SYNJ1: variants seen among roughly 807,000 people sequenced by gnomAD.
SYNJ1 encodes the protein synaptojanin 1.
SYNJ1 carries 78 observed loss-of-function variants against 168.2 expected under a neutral mutation model. The observed-to-expected ratio is 0.46, with a 90% CI of 0.39 to 0.56. The LOEUF is 0.56. Among genes scored for constraint, SYNJ1 ranks in the 20% least tolerant of loss-of-function variants. SYNJ1 has a pLI of 0.00. For synonymous variants in SYNJ1, 539 were observed against 548.6 expected, an observed-to-expected ratio of 0.98 and a Z score of 0.24; for missense variants, 1,303 against 1,597.6, an observed-to-expected ratio of 0.82 and a Z score of 3.14.
chr21:32,711,882 A>G (rs989111216), intron 2 of SYNJ1, among the ~76,000 whole-genome samples: 10 of 152,244 alleles, frequency 6.6e-5, no homozygotes, highest in African/African-American at 2.4e-4. Flanking sequence ...ACATCTGAAC[A>G]GAAAAGAAAC....
At chr21:32,697,714 T>C (rs1247455207) in intron 4 of SYNJ1, among the ~76,000 whole-genome samples, 1 of 152,212 alleles carries the variant, frequency 6.6e-6, no homozygotes, top group Non-Finnish European at 1.5e-5. Context: ...GGCAGGAGAA[T>C]TGCTTGAACC....
At chr21:32,721,761 T>C (rs1032985727) in intron 2 of SYNJ1, among the ~76,000 whole-genome samples, 1 of 152,186 alleles carries the variant, frequency 6.6e-6, no homozygotes, top group Admixed American at 6.5e-5. Flanking sequence ...ACATTTCAAA[T>C]TGGCATTTCA....
intron 2 of SYNJ1, among the ~76,000 whole-genome samples, chr21:32,710,060 G>A (rs554138080): frequency 4.3e-4 from 66 of 151,730 alleles, no homozygotes; most frequent in Non-Finnish European, 8.1e-4. Flanking sequence ...AAAATTAGCC[G>A]GGCATGGTTG....
At chr21:32,699,523 C>T (rs1224242045) in intron 4 of SYNJ1, among the ~76,000 whole-genome samples, 1 of 152,130 alleles carries the variant, frequency 6.6e-6, no homozygotes, top group Non-Finnish European at 1.5e-5. Flanking sequence ...TCTGACAGTT[C>T]GACCACGGAG....
chr21:32,657,100 T>C lies in SYNJ1; in HGVS notation c.2482A>G (p.Asn828Asp), dbSNP rs1211675589. The change falls in exon 20 of 33, where the codon AAT becomes GAT. Residue 828 changes from asparagine (N) to aspartate (D), a missense_variant. By Grantham distance (23) the Asn-to-Asp change is conservative. Coordinates refer to ENST00000674351, the MANE Select transcript of SYNJ1 (RefSeq NM_203446.3). ...DRSAEDLDLL[N>D]ASFQDESKIL... Reference sequence around the variant, plus strand: ...TTGCTTTCATCTTGAAAACTAGCATTTAGAAGATCTAGATCTTCAGCTGCA... The same window carrying C: ...TTGCTTTCATCTTGAAAACTAGCATCTAGAAGATCTAGATCTTCAGCTGCA... The C allele has an allele frequency of 6.2e-7, 1 of 1,612,600 alleles. No homozygotes were observed. Among genetic ancestry groups the C allele is most frequent in the South Asian group, 1.1e-5 (1 of 91,054 alleles).
chr21:32,638,987 T>C lies in SYNJ1; in HGVS notation c.3836A>G (p.Asn1279Ser), dbSNP rs769664150. Residue 1279 changes from asparagine to serine, a missense_variant, in exon 31 of 33, where the codon AAT becomes AGT. Transcript: ENST00000674351. ...APMPQSGPQPNLETPPQPPPR... is the reference protein window; with the variant it reads ...APMPQSGPQPSLETPPQPPPR... ...TGGTGGTTGTGGTGGGGTTTCCAAA[T>C]TTGGCTGGGGGCCAGACTGAGGCAT... 2.5e-6 allele frequency: 4 copies of C among 1,613,946 alleles called. No individual in the cohort carries two copies. The highest frequency in any genetic ancestry group is 3.4e-6 in the Non-Finnish European group (4 of 1,179,924).
chr21:32,727,018 G>C (rs772853403), intron 1 of SYNJ1, 101 bp from the exon 2 acceptor site: 48 of 1,487,596 alleles, frequency 3.2e-5, no homozygotes, highest in Admixed American at 7.0e-5. Context: ...GTTTTGATGG[G>C]GGGTTGGGGT....
intron 3 of SYNJ1, among the ~76,000 whole-genome samples, chr21:32,701,615 G>C (rs748757570): frequency 2.0e-5 from 3 of 149,550 alleles, no homozygotes; most frequent in Non-Finnish European, 3.0e-5. Context: ...TACAAACCAA[G>C]AAAAATCAGT....
intron 2 of SYNJ1, among the ~76,000 whole-genome samples, chr21:32,710,216 A>T (rs1233422615): frequency 6.6e-6 from 1 of 152,052 alleles, no homozygotes; most frequent in Admixed American, 6.6e-5. Context: ...AATAAATAAA[A>T]ACATAAATAA....
chr21:32,722,203 A>T (rs3925461), intron 2 of SYNJ1, among the ~76,000 whole-genome samples: 625 of 88,556 alleles, frequency 7.1e-3, no homozygotes, highest in Middle Eastern at 0.041. Flanking sequence ...AAAAAAAAAA[A>T]AAATATATAT....
intron 12 of SYNJ1, among the ~76,000 whole-genome samples, chr21:32,677,092 GA>G (rs911457674): frequency 6.6e-6 from 1 of 152,160 alleles, no homozygotes; most frequent in Non-Finnish European, 1.5e-5. Context: ...TGGAGAAAGG[GA>G]TATCTGAAAT....
At position 32,700,080 on chromosome 21, in the gene SYNJ1, G is replaced by GA; in HGVS notation, c.236dup (p.Leu80ProfsTer15). The GA allele has an allele frequency of 6.2e-7, 1 of 1,613,540 alleles. No homozygotes were observed. On this transcript the variant is annotated frameshift_variant, in exon 4 of 33. Coordinates refer to ENST00000674351, the MANE Select transcript of SYNJ1 (RefSeq NM_203446.3). LOFTEE classifies it high-confidence loss of function. ...CAACAGACATACATCCAGTGACTAG[G>GA]ACCAGATAATGTAACATAGTATCAC... is the stretch of plus-strand genomic sequence containing the variant.
chr21:32,656,604 T>G (rs988124412), intron 21 of SYNJ1, 83 bp downstream of exon 21: 2 of 1,228,614 alleles, frequency 1.6e-6, no homozygotes, highest in Non-Finnish European at 2.2e-6. Flanking sequence ...TTTAAAATTC[T>G]CTCCTTCCCC....
chr21:32,668,212 CG>C (rs1381237024), intron 15 of SYNJ1, among the ~76,000 whole-genome samples: 1 of 151,948 alleles, frequency 6.6e-6, no homozygotes, highest in Non-Finnish European at 1.5e-5. Context: ...ATTACAGGCA[CG>C]GGGCACCACG....
intron 4 of SYNJ1, among the ~76,000 whole-genome samples, chr21:32,696,899 T>C (rs2042231886): frequency 6.6e-6 from 1 of 152,220 alleles, no homozygotes; most frequent in South Asian, 2.1e-4. Flanking sequence ...CCATTACTTA[T>C]TTTAAAAATA....
At chr21:32,661,928 G>A (rs774050628) in intron 18 of SYNJ1, among the ~76,000 whole-genome samples, 45 of 152,194 alleles carry the variant, frequency 3.0e-4, no homozygotes, top group Non-Finnish European at 5.6e-4. Context: ...GAGGTGTCCC[G>A]TCAGCTTATT....
intron 4 of SYNJ1, among the ~76,000 whole-genome samples, chr21:32,697,975 T>C (rs1034246007): frequency 6.6e-6 from 1 of 152,210 alleles, no homozygotes; most frequent in African/African-American, 2.4e-5. Flanking sequence ...CATTTACCTT[T>C]TCAAGGGACT....
intron 2 of SYNJ1, among the ~76,000 whole-genome samples, chr21:32,715,781 G>GT (rs926700847): frequency 7.3e-5 from 11 of 151,610 alleles, no homozygotes; most frequent in African/African-American, 2.2e-4. Flanking sequence ...AGACAATAAA[G>GT]TTTTTTTTTA....
intron 11 of SYNJ1, among the ~76,000 whole-genome samples, chr21:32,679,989 CA>C (rs2041559898): frequency 6.6e-6 from 1 of 151,894 alleles, no homozygotes; most frequent in African/African-American, 2.4e-5. Context: ...AACCTCTGTA[CA>C]TATATTGTAG....
Sources: gnomAD v4.1 joint callset for allele counts (sites outside exome capture counted in the v4.1 genomes callset) on GRCh38, gnomAD v4.1.1 for gene constraint, MANE v1.5 for transcripts, NCBI Gene and HGNC (gene_info 2026-07-23, HGNC 2026-07-21) for gene names.